Variants in DNAH12 observed in about 807,000 individuals in gnomAD.
The protein encoded by DNAH12 is dynein axonemal heavy chain 12.
Under a neutral mutation model 371.5 loss-of-function variants are expected in DNAH12, and 285 were observed. The observed-to-expected ratio is 0.77, with a 90% CI of 0.70 to 0.85. DNAH12 has a LOEUF of 0.85. DNAH12 is among the 40% of genes least tolerant of loss of function. DNAH12 has a pLI of 0.00. For missense variants in DNAH12, 3,611 were observed against 3,689.4 expected, an observed-to-expected ratio of 0.98 and a Z score of 0.55; for synonymous variants, 1,200 against 1,213.0, an observed-to-expected ratio of 0.99 and a Z score of 0.22.
chr3:57,353,019 G>T (rs1326224821), intron 59 of DNAH12, among the ~76,000 whole-genome samples: 1 of 152,084 alleles, frequency 6.6e-6, no homozygotes, highest in African/African-American at 2.4e-5. Flanking sequence ...AACCCGGGAG[G>T]TGGAGGTTGC....
intron 60 of DNAH12, among the ~76,000 whole-genome samples, chr3:57,349,854 AT>A (rs1281479036): frequency 1.3e-5 from 2 of 151,916 alleles, no homozygotes; most frequent in African/African-American, 4.8e-5. Flanking sequence ...TGCCTGGCTA[AT>A]TTTTTTGTAT....
chr3:57,355,423 A>T (rs2062775393), intron 59 of DNAH12, among the ~76,000 whole-genome samples: 1 of 151,680 alleles, frequency 6.6e-6, no homozygotes, highest in African/African-American at 2.4e-5. Context: ...TTTCACATGA[A>T]TAACATCACA....
At chr3:57,439,160 C>T (rs1289556002) in intron 29 of DNAH12, among the ~76,000 whole-genome samples, 2 of 152,110 alleles carry the variant, frequency 1.3e-5, no homozygotes, top group Non-Finnish European at 2.9e-5. Flanking sequence ...AATGCTACTC[C>T]TATCAAGCTA....
At chr3:57,477,245 C>T (rs745786308) in intron 13 of DNAH12, among the ~76,000 whole-genome samples, 6 of 152,146 alleles carry the variant, frequency 3.9e-5, no homozygotes, top group African/African-American at 7.2e-5. Context: ...GCTTTTCCAA[C>T]GGGTTTAGCA....
intron 69 of DNAH12, among the ~76,000 whole-genome samples, chr3:57,306,031 C>T (rs563648663): frequency 1.8e-4 from 27 of 152,280 alleles, no homozygotes; most frequent in Non-Finnish European, 2.9e-4. Context: ...CCCATCTGTG[C>T]GGGACCCCAC....
chr3:57,389,722 A>C (rs1455239049), intron 45 of DNAH12, among the ~76,000 whole-genome samples: 1 of 151,214 alleles, frequency 6.6e-6, no homozygotes, highest in Non-Finnish European at 1.5e-5. Flanking sequence ...TGGCTCATAC[A>C]TGGGCTCAGG....
chr3:57,412,204 A>G (rs183133677), intron 39 of DNAH12, among the ~76,000 whole-genome samples: 1 of 152,252 alleles, frequency 6.6e-6, no homozygotes, highest in East Asian at 1.9e-4. Context: ...ACATAGCAAG[A>G]CCCCTGTCTT....
rs934236169 is a variant in DNAH12, at chr3:57,428,664, G to C, written c.5222C>G (p.Pro1741Arg). 3.9e-6 allele frequency: 6 copies of C among 1,543,820 alleles called. No homozygotes were observed. Among genetic ancestry groups the C allele is most frequent in the African/African-American group, 1.4e-5 (1 of 72,574 alleles). Reference sequence around the variant, plus strand: ...TTTTTTCTTACGCTGGTTTAAAGAGGGTGGTATTAACCAGGCAAAAAGTCC... The same window carrying C: ...TTTTTTCTTACGCTGGTTTAAAGAGCGTGGTATTAACCAGGCAAAAAGTCC... ...LRGLFAWLIP[P>R]SLNQRKKKCK... is the part of the protein sequence containing the mutation. Residue 1741 changes from proline to arginine, a missense_variant, in exon 34 of 74, where the codon CCC becomes CGC. By Grantham distance (103) the Pro-to-Arg change is moderately radical (BLOSUM62 -2). Transcript: ENST00000495027.
chr3:57,296,954 A>C lies in DNAH12; in HGVS notation c.11425T>G (p.Phe3809Val), dbSNP rs1193236624. ...GTGAAAAAGAAACCTGACAGCCAAA[A>C]CACACAAGGTTTTCCTGAATTATAC... The part of the protein sequence containing the change: ...DWYNSGKPCV[F>V]WLSGFFFTQA... Residue 3809 changes from phenylalanine to valine, a missense_variant, in exon 71 of 74, where the codon TTT (phenylalanine) becomes GTT (valine). Physicochemically the swap from Phe to Val is conservative, Grantham distance 50. This residue lies in a region of DNAH12 where 2,266 missense variants were observed against 2,236.9 expected (regional missense o/e 1.01). Coordinates refer to ENST00000495027, the MANE Select transcript of DNAH12 (RefSeq NM_001366028.2). 6.4e-7 allele frequency: 1 copy of C among 1,551,584 alleles called. No homozygotes were observed. Among genetic ancestry groups the C allele is most frequent in the Non-Finnish European group, 8.7e-7 (1 of 1,147,008 alleles).
intron 2 of DNAH12, among the ~76,000 whole-genome samples, chr3:57,529,478 C>T (rs908615618): frequency 6.6e-6 from 1 of 152,116 alleles, no homozygotes; most frequent in Non-Finnish European, 1.5e-5. Flanking sequence ...TTGTATTTGT[C>T]TACAAATGTA....
chr3:57,345,974 G>A (rs1553657914), intron 60 of DNAH12, among the ~76,000 whole-genome samples: 1 of 151,926 alleles, frequency 6.6e-6, no homozygotes, highest in African/African-American at 2.4e-5. Context: ...GTGTATAAGT[G>A]GACTGCTGCA....
intron 13 of DNAH12, among the ~76,000 whole-genome samples, 170 bp downstream of exon 13, chr3:57,483,206 T>C (rs2066810069): frequency 6.6e-6 from 1 of 152,050 alleles, no homozygotes; most frequent in Admixed American, 6.6e-5. Context: ...CAGAAAGTTA[T>C]ATGCAGAGTC....
intron 10 of DNAH12, among the ~76,000 whole-genome samples, chr3:57,501,938 G>C (rs1291899654): frequency 6.7e-6 from 1 of 149,506 alleles, no homozygotes; most frequent in Non-Finnish European, 1.5e-5. Flanking sequence ...ACGGAGTCTC[G>C]CTCTATCGCC....
chr3:57,520,016 C>G, intron 4 of DNAH12: 1 of 767,248 alleles, frequency 1.3e-6, no homozygotes, highest in Non-Finnish European at 2.2e-6. Flanking sequence ...GCCATGGTAG[C>G]GCCGCGGAGC....
chr3:57,446,005 A>C, intron 27 of DNAH12, 26 bp downstream of exon 27: 1 of 1,165,512 alleles, frequency 8.6e-7, no homozygotes, highest in Non-Finnish European at 1.1e-6. Context: ...AAATAAATAA[A>C]TAAATAAATA....
chr3:57,457,779 A>G lies in DNAH12; in HGVS notation c.3278T>C (p.Ile1093Thr). The change falls in exon 22 of 74, where the codon ATT becomes ACT. Residue 1093 changes from isoleucine (I) to threonine (T), a missense_variant. Transcript: ENST00000495027. ...CCGGAGCATTAGGTCTTCCACTTGA[A>G]TGAGCCACTTTTCCACAGCACCCCG... is the stretch of plus-strand genomic sequence containing the variant. ...AARGAVEKWLIQVEDLMLRSV... is the reference protein window; with the variant it reads ...AARGAVEKWLTQVEDLMLRSV... The G allele has an allele frequency of 6.4e-7, 1 of 1,551,580 alleles. No homozygotes were observed. The highest frequency in any genetic ancestry group is 8.7e-7 in the Non-Finnish European group (1 of 1,146,970).
In DNAH12 at chr3:57,446,021, ATAAT is replaced by A. The variant is rs1553694851; in HGVS notation, c.4179+6_4179+9del. ...AATAAATAAATAAATAAATAAATAA[ATAAT>A]ATTACCTTAAGATTGTCCGGCAATT... On this transcript the variant is annotated splice_donor_region_variant and intron_variant, in intron 27 of 73. Transcript: ENST00000495027. 9 of 332,494 alleles carry A rather than the reference ATAAT, an allele frequency of 2.7e-5. No homozygotes were observed. Among genetic ancestry groups the A allele is most frequent in the Non-Finnish European group, 3.7e-5 (9 of 244,418 alleles). The allele number at this position is 332,494 out of a possible 1,614,324, so 20.6% of individuals were successfully genotyped here. A position where few individuals can be genotyped will look rare whatever the true frequency, so the allele number is the denominator to read the frequency against.
chr3:57,300,025 C>A (rs986150400), intron 70 of DNAH12, among the ~76,000 whole-genome samples: 1 of 152,160 alleles, frequency 6.6e-6, no homozygotes, highest in African/African-American at 2.4e-5. Flanking sequence ...AAATACCTTG[C>A]TGTGCCTGTA....
At chr3:57,346,286 G>A (rs2062540298) in intron 60 of DNAH12, among the ~76,000 whole-genome samples, 1 of 152,096 alleles carries the variant, frequency 6.6e-6, no homozygotes, top group South Asian at 2.1e-4. Flanking sequence ...AATGACCACA[G>A]TGTTATAAGG....
Sources: gnomAD v4.1 joint callset for allele counts (sites outside exome capture counted in the v4.1 genomes callset) on GRCh38, gnomAD v4.1.1 for gene constraint, gnomAD v4.1.1 regional missense constraint, MANE v1.5 for transcripts, NCBI Gene and HGNC (gene_info 2026-07-23, HGNC 2026-07-21) for gene names.